The following UBE2Q2 variants were observed in gnomAD, a reference collection of about 807,000 sequenced individuals.
UBE2Q2 encodes the protein ubiquitin-conjugating enzyme E2 Q2.
Under a neutral mutation model 59.9 loss-of-function variants are expected in UBE2Q2, and 54 were observed. The observed-to-expected ratio is 0.90, with a 90% CI of 0.72 to 1.13. UBE2Q2 has a LOEUF of 1.13. UBE2Q2 is among the 50% of genes most tolerant of loss of function. The pLI is 0.00. For missense variants in UBE2Q2, 433 were observed against 441.9 expected (o/e 0.98, Z 0.18); for synonymous variants, 165 against 155.2 (o/e 1.06, Z -0.47).
intron 8 of UBE2Q2, among the ~76,000 whole-genome samples, chr15:75,880,553 G>A (rs1167226498): frequency 8.6e-5 from 13 of 151,590 alleles, no homozygotes; most frequent in Non-Finnish European, 2.9e-5. Context: ...CCAGGCTGGC[G>A]TGTGGTGGCA....
At chr15:75,855,559 T>C (rs531282230) in intron 2 of UBE2Q2, among the ~76,000 whole-genome samples, 2 of 152,236 alleles carry the variant, frequency 1.3e-5, no homozygotes, top group African/African-American at 4.8e-5. Context: ...TAATCATCAT[T>C]ATTTTCAGCT....
intron 12 of UBE2Q2, among the ~76,000 whole-genome samples, chr15:75,898,197 TTTC>T (rs1295505356): frequency 2.0e-5 from 3 of 152,200 alleles, no homozygotes; most frequent in Non-Finnish European, 2.9e-5. Flanking sequence ...GGGACACAGA[TTTC>T]TTCTTATCTT....
rs535225467 is a variant in UBE2Q2, at chr15:75,894,407, A to C, written c.1030-2588A>C. Among the ~76,000 whole-genome samples the C allele has an allele frequency of 3.0e-4, 45 of 152,180 alleles. 1 individual carries two copies. The South Asian group carries it at 8.1e-3, about 27-fold the overall frequency. On this transcript the variant is annotated intron_variant, in intron 11 of 12. Coordinates refer to ENST00000267938, the MANE Select transcript of UBE2Q2 (RefSeq NM_173469.4). Reference sequence around the variant, plus strand: ...ACATGGTGAAACCAATCTCTGTAAAAAAAACAAAACAAAACAAAACATGAA... The same window carrying C: ...ACATGGTGAAACCAATCTCTGTAAACAAAACAAAACAAAACAAAACATGAA...
At chr15:75,897,201 A>G (rs765978909) in intron 12 of UBE2Q2, 140 bp downstream of exon 12, 5 of 325,002 alleles carry the variant, frequency 1.5e-5, no homozygotes, top group Non-Finnish European at 2.9e-5. Flanking sequence ...TGCTGCATAC[A>G]AAATCTTTAT....
At chr15:75,845,767 C>T (rs965382118) in intron 1 of UBE2Q2, among the ~76,000 whole-genome samples, 1 of 152,038 alleles carries the variant, frequency 6.6e-6, no homozygotes, top group African/African-American at 2.4e-5. Context: ...AAGAATTATC[C>T]CACCTAAAGT....
intron 3 of UBE2Q2, among the ~76,000 whole-genome samples, chr15:75,863,791 C>T (rs949728108): frequency 1.3e-5 from 2 of 152,052 alleles, no homozygotes; most frequent in African/African-American, 2.4e-5. Flanking sequence ...TACAGGTGTG[C>T]ACCACCACGC....
chr15:75,872,856 AT>A (rs1235116201), intron 4 of UBE2Q2, among the ~76,000 whole-genome samples: 1 of 146,050 alleles, frequency 6.8e-6, no homozygotes, highest in East Asian at 2.0e-4. Context: ...CGTAACTGAA[AT>A]TCTTTCTATT....
intron 8 of UBE2Q2, among the ~76,000 whole-genome samples, chr15:75,879,724 G>A (rs1475278364): frequency 6.6e-6 from 1 of 152,086 alleles, no homozygotes; most frequent in African/African-American, 2.4e-5. Flanking sequence ...TTTATCTATG[G>A]TGTTAAAATT....
intron 9 of UBE2Q2, among the ~76,000 whole-genome samples, chr15:75,886,062 G>A (rs1898748128): frequency 6.6e-6 from 1 of 151,830 alleles, no homozygotes; most frequent in Admixed American, 6.6e-5. Flanking sequence ...ATAGTTTAAT[G>A]TTAAAATATC....
intron 12 of UBE2Q2, among the ~76,000 whole-genome samples, chr15:75,898,205 T>C (rs2141685973): frequency 6.6e-6 from 1 of 152,274 alleles, no homozygotes; most frequent in Non-Finnish European, 1.5e-5. Context: ...GATTTCTTCT[T>C]ATCTTTGTTT....
rs764590574 is a variant in UBE2Q2, at chr15:75,879,182, TTTTAAGGTAAGAAAATAG to T, written c.822_825+14del. 1 of 1,576,338 alleles carries T rather than the reference TTTTAAGGTAAGAAAATAG, an allele frequency of 6.3e-7. No individual in the cohort carries two copies. The highest frequency in any genetic ancestry group is 8.6e-7 in the Non-Finnish European group (1 of 1,157,700). ...TAGAATATATTTTGCTTAACTTCTC[TTTTAAGGTAAGAAAATAG>T]TTACAGGACCCCATATACTTCCAGT... On this transcript the variant is annotated splice_donor_variant and splice_donor_5th_base_variant and coding_sequence_variant and intron_variant, in exon 8 of 13. Coordinates refer to ENST00000267938, the MANE Select transcript of UBE2Q2 (RefSeq NM_173469.4). LOFTEE classifies it high-confidence loss of function.
At chr15:75,879,350 A>G (rs561919236) in intron 8 of UBE2Q2, among the ~76,000 whole-genome samples, 162 bp downstream of exon 8, 1 of 152,214 alleles carries the variant, frequency 6.6e-6, no homozygotes, top group Non-Finnish European at 1.5e-5. Flanking sequence ...TAGGCGTACC[A>G]GGAGACACAG....
chr15:75,893,741 A>G lies in UBE2Q2; in HGVS notation c.1029+2727A>G, dbSNP rs188355530. Among the ~76,000 whole-genome samples the G allele has an allele frequency of 2.6e-5, 4 of 152,352 alleles. No individual in the cohort carries two copies. In the East Asian group the frequency reaches 7.7e-4, roughly 29 times the overall value. ...TACCATATAATTTAAATATGAAGCA[A>G]TTAAGGTTAGAAGGCAATAATGAAG... On this transcript the variant is annotated intron_variant, in intron 11 of 12. Transcript: ENST00000267938.
intron 11 of UBE2Q2, among the ~76,000 whole-genome samples, chr15:75,892,032 C>A (rs1278039228): frequency 6.6e-6 from 1 of 152,182 alleles, no homozygotes; most frequent in Non-Finnish European, 1.5e-5. Flanking sequence ...AGACTGTGAT[C>A]ACATTCAGAA....
intron 3 of UBE2Q2, among the ~76,000 whole-genome samples, chr15:75,861,707 G>C (rs1410616880): frequency 6.6e-6 from 1 of 152,132 alleles, no homozygotes; most frequent in Admixed American, 6.5e-5. Flanking sequence ...TATTTGGACA[G>C]TCATAGCTTT....
Position 75,877,183 on chromosome 15 carries a change from A to AAAG in UBE2Q2, c.674-778_674-777insAAG, listed in dbSNP as rs1555422255. The stretch of plus-strand genomic sequence containing the variant: ...TCAAAAAAAAAAAAAAAAAAAAAAA[A>AAAG]GGGTTATGACCGATTCAATTCTAGC... On this transcript the variant is annotated intron_variant, in intron 6 of 12. Transcript: ENST00000267938. Among the ~76,000 whole-genome samples, 224 of 148,714 alleles carry AAAG rather than the reference A, an allele frequency of 1.5e-3. 1 individual carries two copies. The highest frequency in any genetic ancestry group is 5.3e-3 in the African/African-American group (217 of 40,564).
At chr15:75,863,547 G>T (rs1343998208) in intron 3 of UBE2Q2, among the ~76,000 whole-genome samples, 2 of 151,500 alleles carry the variant, frequency 1.3e-5, no homozygotes, top group African/African-American at 4.9e-5. Flanking sequence ...GGGTTCAAGT[G>T]ATTCTCCTGC....
chr15:75,844,486 G>A (rs1896217931), intron 1 of UBE2Q2: 1 of 1,551,228 alleles, frequency 6.4e-7, no homozygotes, highest in African/African-American at 1.4e-5. Context: ...GTTGCGGCAG[G>A]TGGTGTTGAG....
At chr15:75,849,265 A>G (rs774175382) in intron 1 of UBE2Q2, among the ~76,000 whole-genome samples, 2 of 152,240 alleles carry the variant, frequency 1.3e-5, no homozygotes, top group African/African-American at 2.4e-5. Context: ...TTTATTGAAC[A>G]GCAAACTATG....
Sources: allele counts gnomAD v4.1 joint callset (sites outside exome capture counted in the v4.1 genomes callset), GRCh38; gene constraint gnomAD v4.1.1; transcripts MANE v1.5; gene names NCBI Gene and HGNC (gene_info 2026-07-23, HGNC 2026-07-21).